FBLN5: variants seen among roughly 807,000 people sequenced by gnomAD.
The protein encoded by FBLN5 is fibulin 5.
A neutral mutation model predicts 61.6 loss-of-function variants in FBLN5; 24 were observed. The ratio of observed to expected loss-of-function variants is 0.39; its 90% CI spans 0.28 to 0.55. The LOEUF (loss-of-function observed/expected upper bound fraction) is 0.55, where lower values mean the gene tolerates loss of function less well. Among genes scored for constraint, FBLN5 ranks in the 20% least tolerant of loss-of-function variants. FBLN5 has a pLI of 0.65. For synonymous variants in FBLN5, 213 were observed against 219.8 expected (o/e 0.97, Z 0.27); for missense variants, 470 against 594.1 (o/e 0.79, Z 2.17).
chr14:91,893,491 G>A (rs2139979932), intron 5 of FBLN5, among the ~76,000 whole-genome samples: 1 of 152,288 alleles, frequency 6.6e-6, no homozygotes, highest in Non-Finnish European at 1.5e-5. Flanking sequence ...TTAGAAAGAG[G>A]TAGCTTTTCT....
intron 3 of FBLN5, chr14:91,939,971 A>T: frequency 2.2e-6 from 1 of 453,986 alleles, no homozygotes; most frequent in Non-Finnish European, 4.4e-6. Context: ...AAAAGAAGAG[A>T]TTCAAAGTGA....
chr14:91,878,298 T>C (rs1471678035), intron 9 of FBLN5, among the ~76,000 whole-genome samples: 1 of 152,238 alleles, frequency 6.6e-6, no homozygotes, highest in African/African-American at 2.4e-5. Context: ...TACTTTCTAA[T>C]AGGAGAAATA....
At chr14:91,872,878 G>A (rs1183808539) in intron 10 of FBLN5, among the ~76,000 whole-genome samples, 1 of 152,220 alleles carries the variant, frequency 6.6e-6, no homozygotes, top group Admixed American at 6.5e-5. Context: ...CAAAGACCAA[G>A]AGTTGAGAAC....
intron 4 of FBLN5, among the ~76,000 whole-genome samples, chr14:91,923,804 C>G (rs981730909): frequency 6.6e-6 from 1 of 152,164 alleles, no homozygotes; most frequent in Non-Finnish European, 1.5e-5. Context: ...CTTAGACCCT[C>G]CTAGCCCTTG....
chr14:91,938,706 C>T (rs776805786), intron 3 of FBLN5, among the ~76,000 whole-genome samples: 7 of 152,128 alleles, frequency 4.6e-5, no homozygotes, highest in Non-Finnish European at 7.4e-5. Flanking sequence ...GACATGATCC[C>T]GTATACCGAG....
chr14:91,905,203 T>G (rs907068889), intron 4 of FBLN5, among the ~76,000 whole-genome samples: 6 of 152,052 alleles, frequency 3.9e-5, no homozygotes, highest in Admixed American at 3.9e-4. Flanking sequence ...TGCCACCACT[T>G]CCGATCCCAT....
At chr14:91,945,102 G>C (rs1434085501) in intron 1 of FBLN5, among the ~76,000 whole-genome samples, 1 of 151,962 alleles carries the variant, frequency 6.6e-6, no homozygotes, top group Non-Finnish European at 1.5e-5. Context: ...GTGGTGGCAG[G>C]CGCCTGTAGT....
At chr14:91,944,192 C>T (rs186077465) in intron 1 of FBLN5, among the ~76,000 whole-genome samples, 8 of 152,180 alleles carry the variant, frequency 5.3e-5, no homozygotes, top group Admixed American at 2.0e-4. Context: ...ATTTGCCAGG[C>T]ATGGTGGTAC....
intron 4 of FBLN5, among the ~76,000 whole-genome samples, chr14:91,910,572 A>G (rs565565064): frequency 2.6e-5 from 4 of 152,344 alleles, no homozygotes; most frequent in African/African-American, 7.2e-5. Flanking sequence ...ATATTTCTTC[A>G]TTGATTGCAT....
chr14:91,895,505 G>C (rs1595308953), intron 4 of FBLN5, among the ~76,000 whole-genome samples: 1 of 152,058 alleles, frequency 6.6e-6, no homozygotes, highest in South Asian at 2.1e-4. Context: ...CAGAAGTAAA[G>C]GAAATGTCCC....
intron 4 of FBLN5, among the ~76,000 whole-genome samples, chr14:91,934,953 G>A (rs2055988427): frequency 6.6e-6 from 1 of 152,150 alleles, no homozygotes; most frequent in Non-Finnish European, 1.5e-5. Flanking sequence ...AGGGACCTCA[G>A]CGAGGGCCAT....
At position 91,937,078 on chromosome 14, in the gene FBLN5, G is replaced by GGGGTCGAGTAGT. The variant is rs1390399159; in HGVS notation, c.247_248insACTACTCGACCC (p.Asn82_Pro83insHisTyrSerThr). 1.9e-6 allele frequency: 3 copies of GGGGTCGAGTAGT among 1,613,842 alleles called. No homozygotes were observed. The highest frequency in any genetic ancestry group is 2.5e-6 in the Non-Finnish European group (3 of 1,179,962). On this transcript the variant is annotated inframe_insertion, in exon 4 of 11. Coordinates refer to ENST00000342058, the MANE Select transcript of FBLN5 (RefSeq NM_006329.4). The stretch of plus-strand genomic sequence containing the variant: ...CGGACCTGAGTAGGGGGTCGAGTAG[G>GGGGTCGAGTAGT]GGTTCGAGTAGGGCCCTCGATACAC...
At chr14:91,934,864 A>AG (rs1472392568) in intron 4 of FBLN5, among the ~76,000 whole-genome samples, 1 of 152,066 alleles carries the variant, frequency 6.6e-6, no homozygotes, top group Non-Finnish European at 1.5e-5. Flanking sequence ...AAGGAGCGGT[A>AG]GGTAGAAAGA....
chr14:91,938,133 A>G (rs1410403897), intron 3 of FBLN5, among the ~76,000 whole-genome samples: 1 of 152,238 alleles, frequency 6.6e-6, no homozygotes, highest in Non-Finnish European at 1.5e-5. Flanking sequence ...AACAGTGGTC[A>G]GGGGAGAAAG....
chr14:91,874,458 C>T (rs1198806979), intron 10 of FBLN5: 1 of 152,214 alleles, frequency 6.6e-6, no homozygotes, highest in Non-Finnish European at 1.5e-5. Flanking sequence ...AGCATACCTC[C>T]CCATTCTGAA....
intron 4 of FBLN5, among the ~76,000 whole-genome samples, chr14:91,917,035 G>C (rs1297538718): frequency 1.3e-5 from 2 of 152,162 alleles, no homozygotes; most frequent in African/African-American, 4.8e-5. Flanking sequence ...CTGGCTACTA[G>C]AGCCCAACTA....
rs754900026 is a variant in FBLN5 at position 91,881,352 on chromosome 14, C to G, written c.929G>C (p.Gly310Ala). 3 of 1,614,032 alleles carry G rather than the reference C, an allele frequency of 1.9e-6. No homozygotes were observed. Among genetic ancestry groups the G allele is most frequent in the Non-Finnish European group, 2.5e-6 (3 of 1,180,026 alleles). Residue 310 changes from glycine to alanine, a missense_variant, in exon 9 of 11, where the codon GGG becomes GCG. Gly to Ala is a moderately conservative substitution (Grantham distance 60, BLOSUM62 0). Coordinates refer to ENST00000342058, the MANE Select transcript of FBLN5 (RefSeq NM_006329.4). ...NLQQTCYNLQ[G>A]GFKCIDPIRC... ...GATGGGGTCAATGCATTTGAAGCCC[C>G]CTTGTAAATTGTAGCACGTCTGCTG...
At chr14:91,877,306 T>A (rs1358011065) in intron 10 of FBLN5, among the ~76,000 whole-genome samples, 181 bp downstream of exon 10, 1 of 152,036 alleles carries the variant, frequency 6.6e-6, no homozygotes, top group Non-Finnish European at 1.5e-5. Context: ...AGGAGAAGCA[T>A]CTTTTGCAAG....
At chr14:91,872,490 C>T (rs558336856) in intron 10 of FBLN5, among the ~76,000 whole-genome samples, 1 of 152,182 alleles carries the variant, frequency 6.6e-6, no homozygotes, top group African/African-American at 2.4e-5. Flanking sequence ...AGGAACCTAG[C>T]TGGTTTAAAG....
Sources: gnomAD v4.1 joint callset for allele counts (sites outside exome capture counted in the v4.1 genomes callset) on GRCh38, gnomAD v4.1.1 for gene constraint, MANE v1.5 for transcripts, NCBI Gene and HGNC (gene_info 2026-07-23, HGNC 2026-07-21) for gene names.